Variants in PITPNM2 observed in about 807,000 individuals in gnomAD.
PITPNM2 encodes the protein phosphatidylinositol transfer protein membrane associated 2, also known as membrane-associated phosphatidylinositol transfer protein 2.
Under a neutral mutation model 132.2 loss-of-function variants are expected in PITPNM2, and 35 were observed. That is an observed-to-expected ratio of 0.26 (90% confidence interval 0.20 to 0.35). The LOEUF (loss-of-function observed/expected upper bound fraction) is 0.35, where lower values mean the gene tolerates loss of function less well. PITPNM2 is among the 10% of genes least tolerant of loss of function. The pLI is 1.00. For missense variants in PITPNM2, 1,332 were observed against 1,912.0 expected, an observed-to-expected ratio of 0.70 and a Z score of 5.66; for synonymous variants, 738 against 799.2, an observed-to-expected ratio of 0.92 and a Z score of 1.29.
In PITPNM2 at chr12:122,988,318, C is replaced by T. The variant is rs777143475; in HGVS notation, c.2913G>A (p.Glu971=). 2.5e-6 allele frequency: 4 copies of T among 1,613,478 alleles called. No individual in the cohort carries two copies. Among genetic ancestry groups the T allele is most frequent in the Non-Finnish European group, 3.4e-6 (4 of 1,180,000 alleles). Residue 971 remains glutamate (E), a synonymous_variant, in exon 20 of 26, where the codon GAG becomes GAA. Coordinates refer to ENST00000320201, the MANE Select transcript of PITPNM2 (RefSeq NM_020845.3). ...VMRHDNSSIL[E]LDGKEVSVFT... Reference sequence around the variant, plus strand: ...ACACCGACACTTCCTTGCCATCCAGCTCCAAGATGCTGGAGTTGTCATGCC... The same window carrying T: ...ACACCGACACTTCCTTGCCATCCAGTTCCAAGATGCTGGAGTTGTCATGCC...
intron 2 of PITPNM2, among the ~76,000 whole-genome samples, chr12:123,071,331 G>A (rs1382993711): frequency 6.6e-6 from 1 of 152,228 alleles, no homozygotes; most frequent in Non-Finnish European, 1.5e-5. Context: ...CATGAAATAT[G>A]GAGCTGCTCA....
Position 123,000,418 on chromosome 12 carries a change from G to A in PITPNM2, c.1224+360C>T, listed in dbSNP as rs545859933. The A allele has an allele frequency of 4.1e-5, 29 of 702,898 alleles. No individual in the cohort carries two copies. Among genetic ancestry groups the A allele is most frequent in the East Asian group, 2.4e-4 (9 of 37,292 alleles). The allele number at this position is 702,898 out of a possible 1,614,324, so 43.5% of individuals were successfully genotyped here. On this transcript the variant is annotated intron_variant, in intron 10 of 25. Transcript: ENST00000320201. This position sits in a 1 kb window ranked among gnomAD's most constrained non-coding sequence, Gnocchi z 5.4. ...GACGACTGTCGCTTCCTCCCTTTTC[G>A]TCTTTTTATCTTCAGGGACAGCAGA...
intron 2 of PITPNM2, among the ~76,000 whole-genome samples, chr12:123,073,127 G>C (rs1437238649): frequency 1.3e-5 from 2 of 152,202 alleles, no homozygotes; most frequent in African/African-American, 4.8e-5. Context: ...GGGTCGTTAA[G>C]GTACAAACCC....
intron 1 of PITPNM2, among the ~76,000 whole-genome samples, chr12:123,141,945 T>G (rs1383243304): frequency 6.6e-6 from 1 of 152,194 alleles, no homozygotes; most frequent in Non-Finnish European, 1.5e-5. Context: ...CTAAATTCCT[T>G]TATCCCCCCT....
intron 2 of PITPNM2, among the ~76,000 whole-genome samples, chr12:123,043,402 T>C (rs1310054769): frequency 1.3e-5 from 2 of 151,994 alleles, no homozygotes; most frequent in African/African-American, 2.4e-5. Context: ...CCCCCACAGA[T>C]TCCTTGACAC....
rs527625948 is a variant in PITPNM2 at position 123,009,677 on chromosome 12, G to A, written c.643+173C>T. On this transcript the variant is annotated intron_variant, in intron 6 of 25. Transcript: ENST00000320201. This position sits in a 1 kb window ranked among gnomAD's most constrained non-coding sequence, Gnocchi z 4.8. ...TTCATGGATGTTCAAGATAACCCAT[G>A]GCTGGCGGGTAGTGGGGAAGCTGGA... Among the ~76,000 whole-genome samples, 6 of 152,334 alleles carry A rather than the reference G, an allele frequency of 3.9e-5. No individual in the cohort carries two copies. Among genetic ancestry groups the A allele is most frequent in the Admixed American group, 2.6e-4 (4 of 15,304 alleles).
chr12:123,045,168 C>T (rs954742301), intron 2 of PITPNM2, among the ~76,000 whole-genome samples: 2 of 152,200 alleles, frequency 1.3e-5, no homozygotes, highest in Non-Finnish European at 2.9e-5. Flanking sequence ...CATCAGCATT[C>T]AAACATGCAA....
intron 1 of PITPNM2, among the ~76,000 whole-genome samples, chr12:123,116,006 G>C (rs2042930625): frequency 6.6e-6 from 1 of 152,142 alleles, no homozygotes; most frequent in African/African-American, 2.4e-5. Flanking sequence ...TATGTGAATG[G>C]GTCTGCAAAG....
chr12:123,116,804 G>A (rs892355953), intron 1 of PITPNM2, among the ~76,000 whole-genome samples: 1 of 152,128 alleles, frequency 6.6e-6, no homozygotes, highest in Non-Finnish European at 1.5e-5. Flanking sequence ...GGGAACGGAT[G>A]TTCCAGCCAG....
At chr12:122,990,029 TG>T in intron 17 of PITPNM2, 81 bp from the exon 18 acceptor site, 1 of 1,145,632 alleles carries the variant, frequency 8.7e-7, no homozygotes. Context: ...GGCAGGACAC[TG>T]GGACAGTGCC....
intron 2 of PITPNM2, among the ~76,000 whole-genome samples, chr12:123,093,144 G>A (rs982971833): frequency 6.6e-6 from 1 of 152,116 alleles, no homozygotes; most frequent in Non-Finnish European, 1.5e-5. Context: ...GTGTCACTCC[G>A]TTCATAAGAA....
intron 1 of PITPNM2, among the ~76,000 whole-genome samples, chr12:123,137,074 T>C (rs992649400): frequency 6.6e-6 from 1 of 152,148 alleles, no homozygotes; most frequent in African/African-American, 2.4e-5. Context: ...CAAGTGTGAC[T>C]TCGTGAATGC....
intron 2 of PITPNM2, among the ~76,000 whole-genome samples, chr12:123,101,901 T>G (rs1487750720): frequency 1.3e-5 from 2 of 152,102 alleles, no homozygotes; most frequent in Non-Finnish European, 2.9e-5. Context: ...CTACATAAAA[T>G]TAAAAAATTA....
intron 3 of PITPNM2, chr12:123,034,303 A>C (rs1025378579): frequency 1.9e-6 from 1 of 534,862 alleles, no homozygotes; most frequent in African/African-American, 1.9e-5. Context: ...CAGTGCCGGA[A>C]AGCAATCTGA....
chr12:123,107,004 CA>C (rs1320106438), intron 2 of PITPNM2, among the ~76,000 whole-genome samples: 1 of 152,172 alleles, frequency 6.6e-6, no homozygotes, highest in Non-Finnish European at 1.5e-5. Flanking sequence ...GTCCCTTCTT[CA>C]CCTGGGATGG....
intron 10 of PITPNM2, among the ~76,000 whole-genome samples, chr12:122,998,111 C>T (rs924313630): frequency 6.6e-6 from 1 of 152,282 alleles, no homozygotes; most frequent in East Asian, 1.9e-4. Context: ...TGGGCGGCAA[C>T]CCCAGCTACT....
chr12:123,134,528 C>A (rs2137586191), intron 1 of PITPNM2, among the ~76,000 whole-genome samples: 1 of 152,270 alleles, frequency 6.6e-6, no homozygotes, highest in African/African-American at 2.4e-5. Context: ...CGTTCTTGCA[C>A]ACACAAATGC....
At chr12:123,007,912 A>C (rs957516404) in intron 6 of PITPNM2, among the ~76,000 whole-genome samples, 1 of 152,126 alleles carries the variant, frequency 6.6e-6, no homozygotes, top group Non-Finnish European at 1.5e-5. Flanking sequence ...CGTAGCTCAC[A>C]TGAGTTCACG....
intron 3 of PITPNM2, among the ~76,000 whole-genome samples, chr12:123,025,294 T>G (rs2039817114): frequency 6.6e-6 from 1 of 152,164 alleles, no homozygotes; most frequent in Non-Finnish European, 1.5e-5. Context: ...AAATGTGCTA[T>G]ATCTCCATGG....
Sources: allele counts gnomAD v4.1 joint callset (sites outside exome capture counted in the v4.1 genomes callset), GRCh38; gene constraint gnomAD v4.1.1; non-coding constraint Gnocchi (gnomAD v3.1); transcripts MANE v1.5; gene names NCBI Gene and HGNC (gene_info 2026-07-23, HGNC 2026-07-21).